Variants in MAN1B1 observed in about 807,000 individuals in gnomAD.
MAN1B1 encodes the protein endoplasmic reticulum mannosyl-oligosaccharide 1,2-alpha-mannosidase.
MAN1B1 carries 66 observed loss-of-function variants against 75.5 expected under a neutral mutation model. The ratio of observed to expected loss-of-function variants is 0.87; its 90% CI spans 0.72 to 1.07. The LOEUF is 1.07. Among genes scored for constraint, MAN1B1 ranks in the 50% least tolerant of loss-of-function variants. The pLI, the probability that MAN1B1 is intolerant of heterozygous loss-of-function variation, is 0.00. For synonymous variants in MAN1B1, 453 were observed against 382.8 expected, an observed-to-expected ratio of 1.18 and a Z score of -2.14; for missense variants, 973 against 912.5, an observed-to-expected ratio of 1.07 and a Z score of -0.85.
intron 1 of MAN1B1, among the ~76,000 whole-genome samples, chr9:137,087,767 A>G (rs1418410259): frequency 6.6e-6 from 1 of 152,208 alleles, no homozygotes; most frequent in Non-Finnish European, 1.5e-5. Context: ...TCCTCGTCTC[A>G]TCTGCACCAC....
chr9:137,108,471 C>T lies in MAN1B1; in HGVS notation c.1980C>T (p.Phe660=), dbSNP rs140496149. 2.0e-3 allele frequency: 3,158 copies of T among 1,613,942 alleles called. 8 individuals carry two copies. Among genetic ancestry groups the T allele is most frequent in the South Asian group, 6.3e-3 (578 of 91,076 alleles). Residue 660 remains phenylalanine, a synonymous_variant, in exon 13 of 13, where the codon TTC becomes TTT. Coordinates refer to ENST00000371589, the MANE Select transcript of MAN1B1 (RefSeq NM_016219.5). The part of the protein sequence containing the change: ...PEPRDKMESF[F]LGETLKYLFL... ...CTAGGGACAAGATGGAGAGCTTCTT[C>T]CTGGGGGAGACGCTCAAGTATCTGT... is the stretch of plus-strand genomic sequence containing the variant.
At chr9:137,093,477 A>C (rs765388637) in intron 3 of MAN1B1, among the ~76,000 whole-genome samples, 4 of 152,276 alleles carry the variant, frequency 2.6e-5, no homozygotes, top group Non-Finnish European at 5.9e-5. Flanking sequence ...TAAAGTCAGT[A>C]TAAATAAAAG....
At chr9:137,106,408 C>G in intron 9 of MAN1B1, 93 bp downstream of exon 9, 1 of 1,215,724 alleles carries the variant, frequency 8.2e-7, no homozygotes, top group East Asian at 2.6e-5. Context: ...GCCCCCGCTC[C>G]TGCTGCCCCC....
At position 137,088,927 on chromosome 9, in the gene MAN1B1, A is replaced by C. The variant is rs1358666859; in HGVS notation, c.387A>C (p.Lys129Asn). The C allele has an allele frequency of 6.2e-7, 1 of 1,613,788 alleles. No homozygotes were observed. The highest frequency in any genetic ancestry group is 8.5e-7 in the Non-Finnish European group (1 of 1,179,868). The change falls in exon 3 of 13, where the codon AAA (lysine) becomes AAC (asparagine). Residue 129 changes from lysine to asparagine, a missense_variant. By Grantham distance (94) the Lys-to-Asn change is moderately conservative. Transcript: ENST00000371589. ...TGAGGCCAGAAATTGCTGGGTTAAA[A>C]CCAGCAAATCCACCCGTCTTACCAG... ...QKMRPEIAGLKPANPPVLPAP... is the reference protein window; with the variant it reads ...QKMRPEIAGLNPANPPVLPAP...
chr9:137,098,559 G>A (rs528820205), intron 5 of MAN1B1, among the ~76,000 whole-genome samples: 315 of 151,724 alleles, frequency 2.1e-3, no homozygotes, highest in African/African-American at 7.0e-3. Context: ...TCCCAGCCCC[G>A]GGCCTGTGAG....
In MAN1B1 at chr9:137,093,667, A is replaced by G. The variant is rs1296725214; in HGVS notation, c.466-2570A>G. ...AACACAGTGAAACCCCGTCTCTACT[A>G]AAAATACAAAAACAAAATTAGCCGG... On this transcript the variant is annotated intron_variant, in intron 3 of 12. Coordinates refer to ENST00000371589, the MANE Select transcript of MAN1B1 (RefSeq NM_016219.5). 2.0e-5 allele frequency among the ~76,000 whole-genome samples: 3 copies of G among 151,930 alleles called. No individual in the cohort carries two copies. In the East Asian group the frequency reaches 5.9e-4, roughly 30 times the overall value.
rs1338361616 is a variant in MAN1B1, at chr9:137,086,993, C to A, written c.-7C>A. ...CGTGTGATGGGCGGGCTGTTGACGG[C>A]GCTGCGATGGCTGCCTGCGAGGGCA... On this transcript the variant is annotated 5_prime_UTR_variant, in exon 1 of 13. Coordinates refer to ENST00000371589, the MANE Select transcript of MAN1B1 (RefSeq NM_016219.5). The A allele has an allele frequency of 2.5e-6, 4 of 1,586,458 alleles. No individual in the cohort carries two copies. In the East Asian group the frequency reaches 9.1e-5, roughly 36 times the overall value.
chr9:137,104,809 C>A (rs1324505247), intron 8 of MAN1B1: 1 of 152,782 alleles, frequency 6.5e-6, no homozygotes, highest in Non-Finnish European at 1.4e-5. Flanking sequence ...GGTGCACACA[C>A]CTGCCTGAGG....
chr9:137,101,227 G>A, intron 7 of MAN1B1, 74 bp downstream of exon 7: 1 of 1,571,056 alleles, frequency 6.4e-7, no homozygotes, highest in Non-Finnish European at 8.7e-7. Flanking sequence ...GTGGACTTGT[G>A]GGGACGTGAC....
intron 9 of MAN1B1, 127 bp downstream of exon 9, chr9:137,106,442 C>T (rs1490874140): frequency 1.5e-5 from 16 of 1,041,086 alleles, no homozygotes; most frequent in East Asian, 7.8e-5. Context: ...GTCAGGAAAC[C>T]GCAGCCGTGC....
chr9:137,106,934 C>T, intron 10 of MAN1B1, 125 bp downstream of exon 10: 3 of 1,348,614 alleles, frequency 2.2e-6, no homozygotes, highest in Non-Finnish European at 3.0e-6. Context: ...CCTGGGTGGA[C>T]CGTGGCTGCC....
intron 8 of MAN1B1, chr9:137,104,852 A>G (rs1368987929): frequency 4.0e-5 from 6 of 151,468 alleles, no homozygotes; most frequent in African/African-American, 1.2e-4. Context: ...GTGGGTGCAC[A>G]CACCTGCCTG....
intron 3 of MAN1B1, among the ~76,000 whole-genome samples, chr9:137,090,478 A>AGGGGCATT (rs949917588): frequency 6.6e-6 from 1 of 151,312 alleles, no homozygotes; most frequent in African/African-American, 2.4e-5. Flanking sequence ...TCTCAGCAAG[A>AGGGGCATT]GGGGCATTGG....
intron 3 of MAN1B1, among the ~76,000 whole-genome samples, chr9:137,094,650 G>A (rs1464302189): frequency 3.3e-5 from 5 of 151,440 alleles, no homozygotes; most frequent in Non-Finnish European, 7.4e-5. Context: ...AGGCTGAGAC[G>A]GGTGGATTGC....
chr9:137,097,641 G>A (rs1830688574), intron 4 of MAN1B1, among the ~76,000 whole-genome samples, 187 bp from the exon 5 acceptor site: 1 of 152,206 alleles, frequency 6.6e-6, no homozygotes, highest in African/African-American at 2.4e-5. Flanking sequence ...CTGTGGTCTT[G>A]GCTCTCAGGC....
At chr9:137,102,283 AT>A (rs1830856384) in intron 8 of MAN1B1, 1 of 403,694 alleles carries the variant, frequency 2.5e-6, no homozygotes, top group Admixed American at 2.7e-5. Context: ...TGTTACACAC[AT>A]TCACTGTTGC....
Position 137,106,180 on chromosome 9 carries a change from G to T in MAN1B1, c.1310G>T (p.Gly437Val). ...CACGGCCTGTCTGGGAAGAAGGATG[G>T]GCTGGTGCCCATGTTCATCAATACC... ...HIHGLSGKKD[G>V]LVPMFINTHS... Residue 437 changes from glycine (G) to valine (V), a missense_variant, in exon 9 of 13, where the codon GGG (glycine) becomes GTG (valine). Transcript: ENST00000371589. The T allele has an allele frequency of 6.2e-7, 1 of 1,612,790 alleles. No homozygotes were observed. Among genetic ancestry groups the T allele is most frequent in the Non-Finnish European group, 8.5e-7 (1 of 1,179,860 alleles).
intron 8 of MAN1B1, chr9:137,103,399 C>G (rs1830964638): frequency 4.5e-6 from 2 of 448,886 alleles, no homozygotes; most frequent in Non-Finnish European, 8.9e-6. Flanking sequence ...TGCAGGCGTG[C>G]AGGTCGGTGG....
Position 137,088,201 on chromosome 9 carries a change from A to T in MAN1B1, c.328+18A>T, listed in dbSNP as rs1422496354. On this transcript the variant is annotated intron_variant, in intron 2 of 12. Transcript: ENST00000371589. ...TTGGAAAGGTATCAGAAACACGTGTACTTGAAAACGATATCTGTGTTGAGG... is the reference window on the plus strand; with the variant it reads ...TTGGAAAGGTATCAGAAACACGTGTTCTTGAAAACGATATCTGTGTTGAGG... 6.2e-7 allele frequency: 1 copy of T among 1,614,068 alleles called. No individual in the cohort carries two copies. The highest frequency in any genetic ancestry group is 1.1e-5 in the South Asian group (1 of 91,088).
Sources: allele counts gnomAD v4.1 joint callset (sites outside exome capture counted in the v4.1 genomes callset), GRCh38; gene constraint gnomAD v4.1.1; transcripts MANE v1.5; gene names NCBI Gene and HGNC (gene_info 2026-07-23, HGNC 2026-07-21).